TAF2: variants seen among roughly 807,000 people sequenced by gnomAD.
TAF2 encodes the protein transcription initiation factor TFIID subunit 2.
In TAF2, 61 loss-of-function variants were observed where a neutral mutation model predicts 138.5. That is an observed-to-expected ratio of 0.44 (90% CI 0.36 to 0.54). The LOEUF (loss-of-function observed/expected upper bound fraction) is 0.54, where lower values mean the gene tolerates loss of function less well. TAF2 is among the 20% of genes least tolerant of loss of function. TAF2 has a pLI of 0.00. For missense variants in TAF2, 1,090 were observed against 1,427.9 expected (o/e 0.76, Z 3.81); for synonymous variants, 475 against 469.9 (o/e 1.01, Z -0.14).
At chr8:119,767,962 GAGGCTGAGC>G (rs1463613111) in intron 18 of TAF2, among the ~76,000 whole-genome samples, 2 of 152,178 alleles carry the variant, frequency 1.3e-5, no homozygotes, top group Non-Finnish European at 2.9e-5. Flanking sequence ...GAGAGAGGGG[GAGGCTGAGC>G]ACGTTTGCAT....
intron 9 of TAF2, among the ~76,000 whole-genome samples, 199 bp downstream of exon 9, chr8:119,795,332 AG>A (rs1237239435): frequency 6.6e-6 from 1 of 152,158 alleles, no homozygotes; most frequent in Non-Finnish European, 1.5e-5. Flanking sequence ...TCTCTTCCTT[AG>A]GGGAAAAAAA....
At chr8:119,830,098 C>T (rs1826352007) in intron 2 of TAF2, among the ~76,000 whole-genome samples, 1 of 151,898 alleles carries the variant, frequency 6.6e-6, no homozygotes, top group South Asian at 2.1e-4. Flanking sequence ...CAGGGTTTCA[C>T]CGTGTTAGCC....
chr8:119,770,952 T>A (rs1821790544), intron 18 of TAF2, among the ~76,000 whole-genome samples: 1 of 152,044 alleles, frequency 6.6e-6, no homozygotes, highest in African/African-American at 2.4e-5. Context: ...GCACCTGTAG[T>A]CCCAGCTACA....
At chr8:119,787,963 T>C (rs1823140050) in intron 14 of TAF2, among the ~76,000 whole-genome samples, 1 of 152,062 alleles carries the variant, frequency 6.6e-6, no homozygotes, top group Non-Finnish European at 1.5e-5. Context: ...CTGGAAACCA[T>C]CATTCTCAGC....
At chr8:119,760,798 T>C in intron 19 of TAF2, 60 bp from the exon 20 acceptor site, 2 of 1,606,100 alleles carry the variant, frequency 1.2e-6, no homozygotes, top group South Asian at 1.1e-5. Flanking sequence ...TCAGTTTGTT[T>C]CCTAGGCATT....
At chr8:119,772,658 C>T (rs939936759) in intron 18 of TAF2, among the ~76,000 whole-genome samples, 5 of 151,816 alleles carry the variant, frequency 3.3e-5, no homozygotes, top group South Asian at 2.1e-4. Context: ...AAAATAAGGC[C>T]GGGTGTGGTG....
chr8:119,757,965 T>C (rs971606763), intron 21 of TAF2, 108 bp downstream of exon 21: 8 of 896,604 alleles, frequency 8.9e-6, no homozygotes, highest in East Asian at 2.4e-5. Flanking sequence ...GCAAAAGATA[T>C]TCCCATATTT....
chr8:119,810,801 CA>C (rs368960679), intron 3 of TAF2, among the ~76,000 whole-genome samples: 56 of 152,154 alleles, frequency 3.7e-4, no homozygotes, highest in African/African-American at 1.3e-3. Context: ...AACTATTGTA[CA>C]AAAAGAAAGC....
At chr8:119,737,428 T>C (rs1426507668) in intron 25 of TAF2, among the ~76,000 whole-genome samples, 1 of 151,968 alleles carries the variant, frequency 6.6e-6, no homozygotes, top group Non-Finnish European at 1.5e-5. Context: ...TTATTGAAGC[T>C]GAGTAACAGA....
chr8:119,750,012 T>C (rs1785408507), intron 22 of TAF2, among the ~76,000 whole-genome samples: 1 of 152,186 alleles, frequency 6.6e-6, no homozygotes, highest in African/African-American at 2.4e-5. Context: ...AGAAAGTGCC[T>C]TGAGACAAAC....
chr8:119,769,780 CAG>C (rs1269004363), intron 18 of TAF2, among the ~76,000 whole-genome samples: 6 of 148,406 alleles, frequency 4.0e-5, no homozygotes, highest in South Asian at 2.1e-4. Context: ...TTTTTTTAGA[CAG>C]AGTCTCGCTC....
intron 5 of TAF2, among the ~76,000 whole-genome samples, chr8:119,803,164 T>C (rs28756749): frequency 0.27 from 41,384 of 151,970 alleles, 6,890 homozygotes; most frequent in Admixed American, 0.46. Context: ...AGTGGGGAAG[T>C]AGAGTATGAA....
At chr8:119,779,520 C>A (rs901962785) in intron 17 of TAF2, among the ~76,000 whole-genome samples, 1 of 152,100 alleles carries the variant, frequency 6.6e-6, no homozygotes, top group Middle Eastern at 3.2e-3. Context: ...TGCTTCTATA[C>A]CATAAATTCG....
intron 18 of TAF2, among the ~76,000 whole-genome samples, chr8:119,770,796 A>G (rs7843304): frequency 0.45 from 67,740 of 152,098 alleles, 15,552 homozygotes; most frequent in Admixed American, 0.54. Context: ...TAGAGTGGCC[A>G]GGTGCAGTGG....
At chr8:119,804,124 A>C in intron 4 of TAF2, 105 bp from the exon 5 acceptor site, 1 of 1,379,234 alleles carries the variant, frequency 7.3e-7, no homozygotes, top group South Asian at 1.2e-5. Flanking sequence ...GAGGACTGAG[A>C]TTTATATGAA....
At chr8:119,746,601 CTG>C (rs1819991278) in intron 23 of TAF2, 102 bp downstream of exon 23, 2 of 1,199,276 alleles carry the variant, frequency 1.7e-6, no homozygotes, top group African/African-American at 1.5e-5. Flanking sequence ...ACACAAGAAA[CTG>C]TGTTAGTGGC....
intron 3 of TAF2, among the ~76,000 whole-genome samples, chr8:119,807,496 AC>A (rs1326185519): frequency 6.6e-6 from 1 of 152,272 alleles, no homozygotes; most frequent in Non-Finnish European, 1.5e-5. Context: ...GGGCAAGAAT[AC>A]AAGATGAAAT....
At chr8:119,817,573 T>A (rs1000432644) in intron 3 of TAF2, among the ~76,000 whole-genome samples, 14 of 152,168 alleles carry the variant, frequency 9.2e-5, no homozygotes, top group African/African-American at 3.4e-4. Flanking sequence ...TAGGGAATAT[T>A]ATCAAAATAA....
chr8:119,760,838 A>T, intron 19 of TAF2, 100 bp from the exon 20 acceptor site: 1 of 1,505,652 alleles, frequency 6.6e-7, no homozygotes, highest in Non-Finnish European at 9.2e-7. Flanking sequence ...TCAATTTAAA[A>T]ACTGATGTGA....
Sources: allele counts gnomAD v4.1 joint callset (sites outside exome capture counted in the v4.1 genomes callset), GRCh38; gene constraint gnomAD v4.1.1; transcripts MANE v1.5; gene names NCBI Gene and HGNC (gene_info 2026-07-23, HGNC 2026-07-21).